The following CBR4 variants were observed in gnomAD, a reference collection of about 807,000 sequenced individuals.
The protein encoded by CBR4 is carbonyl reductase 4.
A neutral mutation model predicts 21.0 loss-of-function variants in CBR4; 22 were observed. That is an observed-to-expected ratio of 1.05 (90% CI 0.75 to 1.50). The LOEUF (loss-of-function observed/expected upper bound fraction) is 1.50. CBR4 is among the 40% of genes most tolerant of loss of function. The pLI is 0.00. For synonymous variants in CBR4, 100 were observed against 104.4 expected (o/e 0.96, Z 0.26); for missense variants, 302 against 286.3 (o/e 1.05, Z -0.40).
chr4:168,905,144 T>TG (rs60290998), intron 2 of CBR4, among the ~76,000 whole-genome samples: 43,991 of 67,818 alleles, frequency 0.65, 17,450 homozygotes, highest in East Asian at 0.91. Flanking sequence ...GTTGGTTTTT[T>TG]TTTTTTTTTT....
intron 2 of CBR4, among the ~76,000 whole-genome samples, chr4:168,980,361 T>G (rs527468395): frequency 8.7e-4 from 133 of 152,314 alleles, no homozygotes; most frequent in Admixed American, 2.8e-3. Context: ...CTGGCCAGTA[T>G]GCTTAAACAC....
chr4:168,905,132 T>C (rs1757368749), intron 2 of CBR4, among the ~76,000 whole-genome samples: 2 of 129,774 alleles, frequency 1.5e-5, no homozygotes, highest in Admixed American at 8.6e-5. Flanking sequence ...GTTTTTTGTT[T>C]TGTTGGTTTT....
At chr4:168,943,381 A>G (rs1265650672) in intron 2 of CBR4, among the ~76,000 whole-genome samples, 1 of 152,186 alleles carries the variant, frequency 6.6e-6, no homozygotes, top group East Asian at 1.9e-4. Context: ...ATCAATAACC[A>G]AGGAACTCAT....
chr4:168,925,134 A>AC, intron 2 of CBR4: 4 of 1,602,760 alleles, frequency 2.5e-6, no homozygotes, highest in Non-Finnish European at 3.4e-6. Flanking sequence ...ATGAAAAATT[A>AC]GACATCTGGA....
At position 168,917,048 on chromosome 4, in the gene CBR4, G is replaced by GA. The variant is rs1422649296; in HGVS notation, n.170-22284_170-22283insT. On this transcript the variant is annotated intron_variant and non_coding_transcript_variant, in intron 2 of 3. Coordinates refer to the CBR4 transcript ENST00000509108. ...GCAGCAGGGCTTTTTGTTTTTTTGG[G>GA]GTTTTTTTTTTTTTTTTTGAGACGG... 2.2e-3 allele frequency among the ~76,000 whole-genome samples: 318 copies of GA among 143,456 alleles called. 3 individuals are homozygous for GA. The highest frequency in any genetic ancestry group is 3.6e-3 in the Non-Finnish European group (238 of 65,244). 94.1% of individuals were successfully genotyped at this position (143,456 alleles called of 152,430 possible). A position where few individuals can be genotyped will look rare whatever the true frequency, so the allele number is the denominator to read the frequency against.
chr4:168,926,297 G>T, intron 2 of CBR4: 2 of 1,537,268 alleles, frequency 1.3e-6, no homozygotes, highest in South Asian at 2.4e-5. Context: ...TCGGACCAGG[G>T]ACTAGACATC....
chr4:168,918,897 G>A (rs1295190082), intron 2 of CBR4, among the ~76,000 whole-genome samples: 1 of 152,034 alleles, frequency 6.6e-6, no homozygotes, highest in Non-Finnish European at 1.5e-5. Flanking sequence ...TTATACCAAA[G>A]AATTATTAAT....
chr4:168,951,039 A>G (rs775208349), intron 2 of CBR4, among the ~76,000 whole-genome samples: 2 of 151,942 alleles, frequency 1.3e-5, no homozygotes, highest in Non-Finnish European at 2.9e-5. Flanking sequence ...GTTCTTATCC[A>G]TTCTGTGGTT....
rs1206272373 is a variant in CBR4 at position 168,934,273 on chromosome 4, C to CAAAAAAAAAAAAAAAAAAAA, written n.170-39509_170-39508insTTTTTTTTTTTTTTTTTTTT. On this transcript the variant is annotated intron_variant and non_coding_transcript_variant, in intron 2 of 3. Transcript: ENST00000509108. ...CAAGTTTTAAAAGAAACTAGAAAAG[C>CAAAAAAAAAAAAAAAAAAAA]AAAAAAAACAAAAAAAAAAAAAAAA... 4.7e-4 allele frequency among the ~76,000 whole-genome samples: 5 copies of CAAAAAAAAAAAAAAAAAAAA among 10,666 alleles called. 1 individual carries two copies. The highest frequency in any genetic ancestry group is 7.9e-4 in the Non-Finnish European group (4 of 5,070). The allele number at this position is 10,666 out of a possible 152,430, so 7.0% of individuals were successfully genotyped here. A position where few individuals can be genotyped will look rare whatever the true frequency, so the allele number is the denominator to read the frequency against.
intron 2 of CBR4, among the ~76,000 whole-genome samples, chr4:168,940,514 T>C (rs1396447467): frequency 6.6e-6 from 1 of 151,802 alleles, no homozygotes; most frequent in South Asian, 2.1e-4. Flanking sequence ...ACCTACAGAA[T>C]AGGAGAAAAT....
At chr4:168,896,986 C>A (rs1424093812) in intron 2 of CBR4, among the ~76,000 whole-genome samples, 1 of 152,174 alleles carries the variant, frequency 6.6e-6, no homozygotes, top group Non-Finnish European at 1.5e-5. Flanking sequence ...TGCATGCCAA[C>A]ATGCCTGGCT....
At chr4:168,956,035 C>T (rs1291780621) in intron 2 of CBR4, among the ~76,000 whole-genome samples, 2 of 152,280 alleles carry the variant, frequency 1.3e-5, no homozygotes, top group East Asian at 1.9e-4. Context: ...GGCACAGCAG[C>T]ACTGCTTTTA....
intron 1 of CBR4, chr4:169,009,059 CAAA>C (rs34403282): frequency 2.2e-3 from 771 of 357,586 alleles, no homozygotes; most frequent in Admixed American, 4.0e-3. Flanking sequence ...GAAGCCCTCT[CAAA>C]AAAAAAAAAA....
intron 2 of CBR4, among the ~76,000 whole-genome samples, chr4:168,964,714 C>T (rs1280328833): frequency 6.6e-6 from 1 of 152,166 alleles, no homozygotes; most frequent in Admixed American, 6.5e-5. Flanking sequence ...GCCTTGAAAA[C>T]TAAGATTTCA....
intron 2 of CBR4, chr4:168,903,945 A>C (rs1757085903): frequency 1.3e-6 from 2 of 1,571,968 alleles, no homozygotes; most frequent in Non-Finnish European, 1.8e-6. Context: ...TTCTGTGTCT[A>C]GTGCTTACAG....
At chr4:168,938,984 A>G (rs191161358) in intron 2 of CBR4, among the ~76,000 whole-genome samples, 10 of 152,294 alleles carry the variant, frequency 6.6e-5, no homozygotes, top group Admixed American at 4.6e-4. Flanking sequence ...CCTGGCAGAG[A>G]CAAAACAAAA....
intron 2 of CBR4, among the ~76,000 whole-genome samples, chr4:168,935,562 C>T (rs973800297): frequency 3.3e-5 from 5 of 152,138 alleles, no homozygotes; most frequent in African/African-American, 1.2e-4. Context: ...CTGGGACACC[C>T]CAGCTTGGTG....
chr4:168,908,167 C>T (rs1582086656), intron 2 of CBR4, among the ~76,000 whole-genome samples: 2 of 152,146 alleles, frequency 1.3e-5, no homozygotes, highest in East Asian at 1.9e-4. Context: ...AAGAGTAAAA[C>T]CCCTTCTTTT....
At chr4:168,943,641 G>T (rs577875618) in intron 2 of CBR4, among the ~76,000 whole-genome samples, 1 of 152,294 alleles carries the variant, frequency 6.6e-6, no homozygotes, top group East Asian at 1.9e-4. Flanking sequence ...TGGGCATGGT[G>T]GCTCATGCCT....
Sources: allele counts gnomAD v4.1 joint callset (sites outside exome capture counted in the v4.1 genomes callset), GRCh38; gene constraint gnomAD v4.1.1; transcripts MANE v1.5; gene names NCBI Gene and HGNC (gene_info 2026-07-23, HGNC 2026-07-21).